The following RIC8A variants were observed in gnomAD, a reference collection of about 807,000 sequenced individuals.
RIC8A encodes the protein RIC8 guanine nucleotide exchange factor A.
RIC8A carries 37 observed loss-of-function variants against 48.4 expected under a neutral mutation model. The observed-to-expected ratio is 0.77, with a 90% CI of 0.59 to 1.01. The LOEUF is 1.01. Ranked by LOEUF, RIC8A falls within the 50% of genes least tolerant of loss-of-function variation. The probability of loss-of-function intolerance (pLI) is 0.00; values close to 1 mark genes in which losing one functional copy is unlikely to be tolerated. For synonymous variants in RIC8A, 288 were observed against 283.4 expected (o/e 1.02, Z -0.16); for missense variants, 681 against 696.8 (o/e 0.98, Z 0.25).
rs760235545 is a variant in RIC8A, at chr11:214,590, C to T, written c.*240C>T. ...CAGGCTCAGCCTCGAATTCCACAGA[C>T]GAAGTACTTTCTTTTGTCTGCGCCA... is the stretch of plus-strand genomic sequence containing the variant. On this transcript the variant is annotated 3_prime_UTR_variant, in exon 10 of 10. Coordinates refer to ENST00000526104, the MANE Select transcript of RIC8A (RefSeq NM_001286134.2). 13 of 598,848 alleles carry T rather than the reference C, an allele frequency of 2.2e-5. No homozygotes were observed. The South Asian group carries it at 2.4e-4, about 11-fold the overall frequency. 37.1% of individuals were successfully genotyped at this position (598,848 alleles called of 1,614,324 possible). A position where few individuals can be genotyped will look rare whatever the true frequency, so the allele number is the denominator to read the frequency against.
intron 7 of RIC8A, 30 bp from the exon 8 acceptor site, chr11:212,807 T>C (rs762265535): frequency 1.2e-6 from 2 of 1,610,824 alleles, no homozygotes; most frequent in Non-Finnish European, 1.7e-6. Context: ...TCAGCCAGGC[T>C]TGCACACTGA....
In RIC8A at chr11:211,304, T is replaced by C; in HGVS notation, c.924T>C (p.Asp308=). 1 of 1,614,124 alleles carries C rather than the reference T, an allele frequency of 6.2e-7. No homozygotes were observed. Among genetic ancestry groups the C allele is most frequent in the Non-Finnish European group, 8.5e-7 (1 of 1,179,984 alleles). ...DSTEFMGVNM[D]VIRALLIFLE... is the part of the protein sequence containing the mutation. ...CGGAGTTCATGGGAGTGAATATGGA[T>C]GTGATTCGTGCCCTCCTCATCTTCC... is the stretch of plus-strand genomic sequence containing the variant. Residue 308 remains aspartate, a synonymous_variant, in exon 5 of 10, where the codon GAT becomes GAC. Transcript: ENST00000526104. The surrounding 1 kb of genome is among the most constrained non-coding windows in gnomAD (Gnocchi z 4.0).
Position 208,830 on chromosome 11 carries a change from C to T in RIC8A, c.-25C>T, listed in dbSNP as rs765328352. 6.9e-6 allele frequency: 11 copies of T among 1,592,034 alleles called. No individual in the cohort carries two copies. The highest frequency in any genetic ancestry group is 7.7e-6 in the Non-Finnish European group (9 of 1,168,014). ...GCGGCCCGGAACGGCTGAGGAAGGG[C>T]CCGTCCCGCCTTCCCCGGCGCGCCA... On this transcript the variant is annotated 5_prime_UTR_variant, in exon 1 of 10. Coordinates refer to ENST00000526104, the MANE Select transcript of RIC8A (RefSeq NM_001286134.2). The surrounding 1 kb of genome is among the most constrained non-coding windows in gnomAD (Gnocchi z 4.8).
chr11:212,881 C>G lies in RIC8A; in HGVS notation c.1255C>G (p.Leu419Val). 6.2e-7 allele frequency: 1 copy of G among 1,606,664 alleles called. No homozygotes were observed. The highest frequency in any genetic ancestry group is 8.5e-7 in the Non-Finnish European group (1 of 1,176,260). Reference sequence around the variant, plus strand: ...CACAGGCTATGGGAATGCTGCTGGCCTTCTGGCTGCCAGGGGCCTCATGGC... The same window carrying G: ...CACAGGCTATGGGAATGCTGCTGGCGTTCTGGCTGCCAGGGGCCTCATGGC... ...KYTGYGNAAG[L>V]LAARGLMAGG... Residue 419 changes from leucine (L) to valine (V), a missense_variant, in exon 8 of 10, where the codon CTT (leucine) becomes GTT (valine). Transcript: ENST00000526104.
At position 214,449 on chromosome 11, in the gene RIC8A, C is replaced by T. The variant is rs1440530030; in HGVS notation, c.*99C>T. The T allele has an allele frequency of 2.9e-6, 4 of 1,397,192 alleles. No homozygotes were observed. The highest frequency in any genetic ancestry group is 1.4e-5 in the African/African-American group (1 of 70,208). The allele number at this position is 1,397,192 out of a possible 1,614,324, so 86.5% of individuals were successfully genotyped here. A position where few individuals can be genotyped will look rare whatever the true frequency, so the allele number is the denominator to read the frequency against. ...GAAGCCACATCCCACTGGATCCACA[C>T]CCGCCCCCACTTCTCCATCTTAGAA... On this transcript the variant is annotated 3_prime_UTR_variant, in exon 10 of 10. Coordinates refer to ENST00000526104, the MANE Select transcript of RIC8A (RefSeq NM_001286134.2).
intron 4 of RIC8A, 69 bp downstream of exon 4, chr11:210,731 T>C (rs1855337357): frequency 6.8e-7 from 1 of 1,469,470 alleles, no homozygotes; most frequent in Non-Finnish European, 9.5e-7. Context: ...CAACCCCGGC[T>C]CTGAACCAGA....
chr11:212,447 T>G lies in RIC8A; in HGVS notation c.1001T>G (p.Val334Gly), dbSNP rs148837685. ...THRLKESVAP[V>G]LSVLTECARM... Reference sequence around the variant, plus strand: ...AGGCTGAAGGAGAGTGTAGCTCCCGTGCTGAGCGTGCTGACTGAATGTGCC... The same window carrying G: ...AGGCTGAAGGAGAGTGTAGCTCCCGGGCTGAGCGTGCTGACTGAATGTGCC... The change falls in exon 6 of 10, where the codon GTG (valine) becomes GGG (glycine). Residue 334 changes from valine (V) to glycine (G), a missense_variant. Transcript: ENST00000526104. 8.1e-6 allele frequency: 13 copies of G among 1,613,830 alleles called. No homozygotes were observed. The African/African-American group carries it at 1.5e-4, about 18-fold the overall frequency.
intron 1 of RIC8A, 102 bp from the exon 2 acceptor site, chr11:209,169 G>A (rs780253225): frequency 3.6e-6 from 5 of 1,398,986 alleles, no homozygotes; most frequent in Non-Finnish European, 4.1e-6. Flanking sequence ...CATCCGTTCT[G>A]AGCAGTGGCT....
Position 213,426 on chromosome 11 carries a change from G to T in RIC8A, c.1475+8G>T. ...GTTTGACAAGCTCTCCAGGTGTGTG[G>T]CATGAGGAGGAGGGGCCTGCAGCTG... On this transcript the variant is annotated splice_region_variant and intron_variant, in intron 9 of 9. Transcript: ENST00000526104. The T allele has an allele frequency of 6.4e-7, 1 of 1,572,770 alleles. No individual in the cohort carries two copies. Among genetic ancestry groups the T allele is most frequent in the East Asian group, 2.4e-5 (1 of 42,528 alleles).
Position 214,880 on chromosome 11 carries a change from A to C in RIC8A, c.*530A>C, listed in dbSNP as rs1855499963. Reference sequence around the variant, plus strand: ...TTCCTGTCCTGTCTTCACTGAGCGCAGGGCTGGAGGCCTCTTAGACATTCT... The same window carrying C: ...TTCCTGTCCTGTCTTCACTGAGCGCCGGGCTGGAGGCCTCTTAGACATTCT... On this transcript the variant is annotated 3_prime_UTR_variant, in exon 10 of 10. Transcript: ENST00000526104. 1.3e-5 allele frequency: 3 copies of C among 233,576 alleles called. 1 individual carries two copies. The South Asian group carries it at 1.6e-4, about 12-fold the overall frequency. The allele number at this position is 233,576 out of a possible 1,614,324, so 14.5% of individuals were successfully genotyped here.
chr11:212,081 T>C (rs1564799891), intron 5 of RIC8A: 5 of 320,392 alleles, frequency 1.6e-5, no homozygotes, highest in Non-Finnish European at 2.4e-5. Flanking sequence ...GCAATGTGTG[T>C]GCGAGTCTAA....
Position 208,615 on chromosome 11 carries a change from T to G in RIC8A, c.-240T>G, listed in dbSNP as rs1463559754. 1 of 441,270 alleles carries G rather than the reference T, an allele frequency of 2.3e-6. No homozygotes were observed. Among genetic ancestry groups the G allele is most frequent in the South Asian group, 3.3e-5 (1 of 29,948 alleles). The allele number at this position is 441,270 out of a possible 1,614,324, so 27.3% of individuals were successfully genotyped here. ...GTCACAAGGAGAGGGGTCAGTTCGG[T>G]TCAGAGCGACTCAGCCCCTCGACTC... On this transcript the variant is annotated 5_prime_UTR_variant, in exon 1 of 10. Transcript: ENST00000526104. This position sits in a 1 kb window ranked among gnomAD's most constrained non-coding sequence, Gnocchi z 4.8.
At chr11:209,034 G>C in intron 1 of RIC8A, 96 bp downstream of exon 1, 3 of 1,193,960 alleles carry the variant, frequency 2.5e-6, no homozygotes, top group Non-Finnish European at 3.6e-6. Flanking sequence ...CAGAGGCTGT[G>C]TCAGCAAGCG....
rs1487152373 is a variant in RIC8A at position 211,179 on chromosome 11, C to G, written c.819-20C>G. 1 of 1,607,126 alleles carries G rather than the reference C, an allele frequency of 6.2e-7. No homozygotes were observed. Among genetic ancestry groups the G allele is most frequent in the South Asian group, 1.1e-5 (1 of 90,150 alleles). ...TCAGGGATTAGCCCTGTTGAAACCC[C>G]TACCTCCATCTGTCCCCAGCCACGC... On this transcript the variant is annotated intron_variant, in intron 4 of 9. Transcript: ENST00000526104. This position sits in a 1 kb window ranked among gnomAD's most constrained non-coding sequence, Gnocchi z 4.0.
In RIC8A at chr11:214,233, CAG is replaced by C. The variant is rs746645475; in HGVS notation, c.1482_1483del (p.Arg494SerfsTer33). 6 of 1,613,614 alleles carry C rather than the reference CAG, an allele frequency of 3.7e-6. No individual in the cohort carries two copies. Among genetic ancestry groups the C allele is most frequent in the African/African-American group, 2.7e-5 (2 of 74,928 alleles). ...CCACTGCACCTTTCCCCAACAGGAA[CAG>C]AGTCATCCAGCCAATGGGGATGAGT... Reference protein sequence around the residue: ...VTMFDKLSRNRVIQPMGMSPR... With the variant: ...VTMFDKLSRNXVIQPMGMSPR... On this transcript the variant is annotated frameshift_variant, in exon 10 of 10. Coordinates refer to ENST00000526104, the MANE Select transcript of RIC8A (RefSeq NM_001286134.2). LOFTEE classifies it high-confidence loss of function.
Position 211,128 on chromosome 11 carries a change from C to T in RIC8A, c.819-71C>T, listed in dbSNP as rs530140653. On this transcript the variant is annotated intron_variant, in intron 4 of 9. Coordinates refer to ENST00000526104, the MANE Select transcript of RIC8A (RefSeq NM_001286134.2). The surrounding 1 kb of genome is among the most constrained non-coding windows in gnomAD (Gnocchi z 4.0). ...CCAGCTCATGTAATGTGTGGTTCAG[C>T]GGAGTCACAAAGATTGCACCTGTGC... The T allele has an allele frequency of 6.7e-5, 100 of 1,494,110 alleles. No individual in the cohort carries two copies. In the East Asian group the frequency reaches 8.6e-4, roughly 13 times the overall value. The allele number at this position is 1,494,110 out of a possible 1,614,324, so 92.6% of individuals were successfully genotyped here.
rs557526277 is a variant in RIC8A at position 209,096 on chromosome 11, G to A, written c.84+158G>A. 2.9e-6 allele frequency: 3 copies of A among 1,027,142 alleles called. No individual in the cohort carries two copies. The South Asian group carries it at 3.8e-5, about 13-fold the overall frequency. 63.6% of individuals were successfully genotyped at this position (1,027,142 alleles called of 1,614,324 possible). On this transcript the variant is annotated intron_variant, in intron 1 of 9. Transcript: ENST00000526104. ...CAGGTCTGGGATGCAGTGTTGCGGGGAGAGTGGGGGTGCACCCGTTGGGTG... is the reference window on the plus strand; with the variant it reads ...CAGGTCTGGGATGCAGTGTTGCGGGAAGAGTGGGGGTGCACCCGTTGGGTG...
At chr11:213,238 C>T (rs773728688) in intron 8 of RIC8A, 61 bp from the exon 9 acceptor site, 44 of 1,599,346 alleles carry the variant, frequency 2.8e-5, no homozygotes, top group Non-Finnish European at 3.3e-5. Context: ...AAATAGGTGG[C>T]TTGCCTCCTG....
At chr11:210,724 C>A (rs1855337119) in intron 4 of RIC8A, 62 bp downstream of exon 4, 2 of 1,518,896 alleles carry the variant, frequency 1.3e-6, no homozygotes, top group Non-Finnish European at 1.8e-6. Context: ...TCGTCCTCAA[C>A]CCCGGCTCTG....
Sources: allele counts gnomAD v4.1 joint callset, GRCh38; gene constraint gnomAD v4.1.1; non-coding constraint Gnocchi (gnomAD v3.1); transcripts MANE v1.5; gene names NCBI Gene and HGNC (gene_info 2026-07-23, HGNC 2026-07-21).